Variants in DCLK1 observed in about 807,000 individuals in gnomAD.
DCLK1 encodes the protein doublecortin like kinase 1.
DCLK1 carries 16 observed loss-of-function variants against 86.2 expected under a neutral mutation model. That is an observed-to-expected ratio of 0.19 (90% CI 0.13 to 0.28). The LOEUF (loss-of-function observed/expected upper bound fraction) is 0.28, where lower values mean the gene tolerates loss of function less well. DCLK1 is among the 10% of genes least tolerant of loss of function. The pLI, the probability that DCLK1 is intolerant of heterozygous loss-of-function variation, is 1.00. For missense variants in DCLK1, 590 were observed against 940.2 expected, an observed-to-expected ratio of 0.63 and a Z score of 4.87; for synonymous variants, 369 against 370.5, an observed-to-expected ratio of 1.00 and a Z score of 0.05.
chr13:36,103,964 A>AT (rs1885306657), intron 3 of DCLK1, among the ~76,000 whole-genome samples: 2 of 152,240 alleles, frequency 1.3e-5, no homozygotes, highest in Admixed American at 6.5e-5. Flanking sequence ...TTCTAACAGA[A>AT]TATCTATTGT....
chr13:36,123,115 C>T (rs1341667375), intron 2 of DCLK1, among the ~76,000 whole-genome samples: 3 of 152,162 alleles, frequency 2.0e-5, no homozygotes, highest in Non-Finnish European at 4.4e-5. Flanking sequence ...AAAACTCAAA[C>T]ATCATCATAT....
At chr13:35,969,655 T>C (rs1878970687) in intron 3 of DCLK1, among the ~76,000 whole-genome samples, 1 of 152,120 alleles carries the variant, frequency 6.6e-6, no homozygotes, top group African/African-American at 2.4e-5. Flanking sequence ...CCTATCAGGG[T>C]TCCTCTTTCC....
chr13:36,110,828 T>A (rs1052066763), intron 3 of DCLK1, among the ~76,000 whole-genome samples: 2 of 50,226 alleles, frequency 4.0e-5, no homozygotes, highest in African/African-American at 3.0e-4. Context: ...ATATAATCAA[T>A]TTTTTTTTTT....
At chr13:36,091,084 T>C (rs541701152) in intron 3 of DCLK1, among the ~76,000 whole-genome samples, 1 of 152,352 alleles carries the variant, frequency 6.6e-6, no homozygotes, top group South Asian at 2.1e-4. Context: ...TTCTGGATAT[T>C]AGACCTTTGT....
At chr13:36,018,750 A>G (rs1169156257) in intron 3 of DCLK1, among the ~76,000 whole-genome samples, 1 of 152,190 alleles carries the variant, frequency 6.6e-6, no homozygotes, top group Non-Finnish European at 1.5e-5. Context: ...AAAATTTTAA[A>G]AGTGTATCCC....
At chr13:36,040,890 C>A (rs564042761) in intron 3 of DCLK1, among the ~76,000 whole-genome samples, 64 of 152,184 alleles carry the variant, frequency 4.2e-4, no homozygotes, top group African/African-American at 1.5e-3. Flanking sequence ...CATTTTAAAT[C>A]GGTTCCTGTG....
chr13:35,905,744 G>C (rs566959503), intron 4 of DCLK1, among the ~76,000 whole-genome samples: 1 of 152,062 alleles, frequency 6.6e-6, no homozygotes, highest in Non-Finnish European at 1.5e-5. Flanking sequence ...TCAGGAGTTC[G>C]AGACCAGTCT....
intron 3 of DCLK1, among the ~76,000 whole-genome samples, chr13:35,947,683 A>G (rs1037846489): frequency 6.6e-6 from 1 of 152,212 alleles, no homozygotes; most frequent in African/African-American, 2.4e-5. Flanking sequence ...AGAACCAGTA[A>G]CTGTCACATT....
rs74044280 is a variant in DCLK1, at chr13:36,016,044, G to A, written c.724-68587C>T. Among the ~76,000 whole-genome samples, 837 of 152,240 alleles carry A rather than the reference G, an allele frequency of 5.5e-3. 10 individuals carry two copies. The highest frequency in any genetic ancestry group is 0.019 in the African/African-American group (785 of 41,536). ...ACTACTGAGCAACCAGAAGGCTAGT[G>A]CATGGACAATTTACTTCATTTAGAT... On this transcript the variant is annotated intron_variant, in intron 3 of 16. Coordinates refer to ENST00000360631, the MANE Select transcript of DCLK1 (RefSeq NM_001330071.2).
intron 3 of DCLK1, among the ~76,000 whole-genome samples, chr13:35,987,259 T>TAA (rs550443514): frequency 6.6e-6 from 1 of 151,764 alleles, no homozygotes; most frequent in Non-Finnish European, 1.5e-5. Context: ...CTGTCTCTAC[T>TAA]AAAAAAAATA....
At chr13:35,802,145 T>C (rs1429461283) in intron 15 of DCLK1, among the ~76,000 whole-genome samples, 1 of 152,002 alleles carries the variant, frequency 6.6e-6, no homozygotes, top group East Asian at 1.9e-4. Context: ...CTGATAAAAA[T>C]GTATTTAGAA....
At chr13:35,894,624 G>T (rs544999186) in intron 4 of DCLK1, among the ~76,000 whole-genome samples, 1 of 152,314 alleles carries the variant, frequency 6.6e-6, no homozygotes, top group Non-Finnish European at 1.5e-5. Context: ...AGGTGCCCAG[G>T]GAAGACAACG....
chr13:35,839,052 A>C, intron 7 of DCLK1, 40 bp downstream of exon 7: 1 of 1,555,632 alleles, frequency 6.4e-7, no homozygotes, highest in Non-Finnish European at 8.7e-7. Flanking sequence ...TAGCCAACCC[A>C]TCCTCTGCCT....
intron 3 of DCLK1, among the ~76,000 whole-genome samples, chr13:36,078,480 T>C (rs1926320): frequency 0.27 from 40,651 of 152,128 alleles, 5,774 homozygotes; most frequent in East Asian, 0.5. Context: ...GTTCTTCAAC[T>C]GAGTAGAAAT....
Position 35,774,589 on chromosome 13 carries a change from T to G in DCLK1, c.2169A>C (p.Glu723Asp), listed in dbSNP as rs1435635942. 6.3e-7 allele frequency: 1 copy of G among 1,577,272 alleles called. No homozygotes were observed. The highest frequency in any genetic ancestry group is 8.6e-7 in the Non-Finnish European group (1 of 1,159,684). ...TCTCGGAGGAGCTTGGGGAGTAGTC[T>G]TCCGATTCCGAGTTGAGTTCGGGAG... ...PAPPELNSES[E>D]DYSPSSSETV... Residue 723 changes from glutamate (E) to aspartate (D), a missense_variant, in exon 17 of 17, where the codon GAA becomes GAC. By Grantham distance (45) the Glu-to-Asp change is conservative. This residue lies in a region of DCLK1 where 146 missense variants were observed against 190.2 expected (regional missense o/e 0.77). Coordinates refer to ENST00000360631, the MANE Select transcript of DCLK1 (RefSeq NM_001330071.2).
intron 15 of DCLK1, among the ~76,000 whole-genome samples, chr13:35,794,955 G>A (rs1322372761): frequency 6.6e-6 from 1 of 152,180 alleles, no homozygotes; most frequent in Non-Finnish European, 1.5e-5. Context: ...AGGAAGATGT[G>A]ATCTCTGTCC....
At chr13:36,018,980 A>G (rs1414081284) in intron 3 of DCLK1, among the ~76,000 whole-genome samples, 1 of 152,108 alleles carries the variant, frequency 6.6e-6, no homozygotes, top group African/African-American at 2.4e-5. Flanking sequence ...AATATTATAG[A>G]CCCAATTGCT....
At chr13:36,126,948 T>C (rs1008163830) in intron 1 of DCLK1, among the ~76,000 whole-genome samples, 3 of 152,242 alleles carry the variant, frequency 2.0e-5, no homozygotes, top group Non-Finnish European at 4.4e-5. Context: ...AGCAACTCTG[T>C]TCCAGGTTTC....
intron 3 of DCLK1, among the ~76,000 whole-genome samples, chr13:35,982,424 G>GAC (rs1879693660): frequency 2.4e-5 from 1 of 41,802 alleles, no homozygotes; most frequent in Non-Finnish European, 5.9e-5. Context: ...GAGAGAGAGA[G>GAC]AGAGAGAGGG....
Sources: allele counts gnomAD v4.1 joint callset (sites outside exome capture counted in the v4.1 genomes callset), GRCh38; gene constraint gnomAD v4.1.1; regional missense constraint gnomAD v4.1.1; transcripts MANE v1.5; gene names NCBI Gene and HGNC (gene_info 2026-07-23, HGNC 2026-07-21).